DNAJC11: variants seen among roughly 807,000 people sequenced by gnomAD.
The protein encoded by DNAJC11 is DnaJ heat shock protein family (Hsp40) member C11.
DNAJC11 carries 15 observed loss-of-function variants against 78.6 expected under a neutral mutation model. The observed-to-expected ratio is 0.19, with a 90% CI of 0.13 to 0.29. DNAJC11 has a LOEUF of 0.29. Ranked by LOEUF, DNAJC11 falls within the 10% of genes least tolerant of loss-of-function variation. The pLI is 1.00. For missense variants in DNAJC11, 547 were observed against 709.6 expected (o/e 0.77, Z 2.60); for synonymous variants, 292 against 272.1 (o/e 1.07, Z -0.72).
chr1:6,681,715 G>A (rs865838052), intron 1 of DNAJC11, among the ~76,000 whole-genome samples: 3 of 152,094 alleles, frequency 2.0e-5, no homozygotes, highest in African/African-American at 4.8e-5. Flanking sequence ...TGGGGGGGGC[G>A]GGTGCCAATG....
intron 14 of DNAJC11, among the ~76,000 whole-genome samples, chr1:6,636,869 G>A (rs1326291263): frequency 6.6e-6 from 1 of 152,166 alleles, no homozygotes; most frequent in African/African-American, 2.4e-5. Context: ...TTTGTTTTGA[G>A]ACAGGGTCTT....
chr1:6,690,512 A>G (rs1459712180), intron 1 of DNAJC11, among the ~76,000 whole-genome samples: 2 of 152,232 alleles, frequency 1.3e-5, no homozygotes, highest in East Asian at 3.8e-4. Context: ...TATCTTCACA[A>G]TGACCCCTTT....
At chr1:6,654,251 G>C in intron 4 of DNAJC11, 1 of 460,636 alleles carries the variant, frequency 2.2e-6, no homozygotes, top group Non-Finnish European at 3.9e-6. Context: ...TCCAGAGCTA[G>C]AAAACATCAT....
chr1:6,638,776 C>T lies in DNAJC11; in HGVS notation c.1254-412G>A, dbSNP rs777654199. On this transcript the variant is annotated intron_variant, in intron 11 of 15. Coordinates refer to ENST00000377577, the MANE Select transcript of DNAJC11 (RefSeq NM_018198.4). ...TCCTGGGCTCAAGTGATCCTACTGTCTCGGCCTCCCGAAGTGCTAGGGTTA... is the reference window on the plus strand; with the variant it reads ...TCCTGGGCTCAAGTGATCCTACTGTTTCGGCCTCCCGAAGTGCTAGGGTTA... Among the ~76,000 whole-genome samples the T allele has an allele frequency of 3.1e-4, 47 of 152,226 alleles. 1 individual carries two copies. Among genetic ancestry groups the T allele is most frequent in the Admixed American group, 1.3e-4 (2 of 15,278 alleles).
chr1:6,644,929 T>TCA, intron 9 of DNAJC11, 112 bp downstream of exon 9: 1 of 1,060,258 alleles, frequency 9.4e-7, no homozygotes, highest in East Asian at 2.4e-5. Flanking sequence ...TCCAAAAATG[T>TCA]CACACACACG....
In DNAJC11 at chr1:6,640,115, G is replaced by A; in HGVS notation, c.1098-58C>T. 2.0e-6 allele frequency: 3 copies of A among 1,496,076 alleles called. No homozygotes were observed. The South Asian group carries it at 4.0e-5, about 20-fold the overall frequency. 92.7% of individuals were successfully genotyped at this position (1,496,076 alleles called of 1,614,324 possible). A position where few individuals can be genotyped will look rare whatever the true frequency, so the allele number is the denominator to read the frequency against. On this transcript the variant is annotated intron_variant, in intron 10 of 15. Transcript: ENST00000377577. ...GCCAAGATGAATCAGGTTTTCCAGG[G>A]AAGGGCAATGGGGTGTCAGGCACAG...
At chr1:6,666,108 C>T (rs1642289937) in intron 4 of DNAJC11, among the ~76,000 whole-genome samples, 1 of 152,182 alleles carries the variant, frequency 6.6e-6, no homozygotes, top group South Asian at 2.1e-4. Flanking sequence ...AGAGGTGTTA[C>T]CATTTTCAAA....
At chr1:6,640,781 C>T (rs1387679900) in intron 10 of DNAJC11, among the ~76,000 whole-genome samples, 1 of 152,014 alleles carries the variant, frequency 6.6e-6, no homozygotes, top group Non-Finnish European at 1.5e-5. Flanking sequence ...TGTACCACAG[C>T]ACTCCAGCCT....
At chr1:6,664,094 G>C (rs763449942) in intron 4 of DNAJC11, among the ~76,000 whole-genome samples, 1 of 152,178 alleles carries the variant, frequency 6.6e-6, no homozygotes, top group Admixed American at 6.5e-5. Flanking sequence ...GCCGGGGCTG[G>C]GGATTTTACA....
At chr1:6,669,560 G>C (rs1404382823) in intron 3 of DNAJC11, among the ~76,000 whole-genome samples, 1 of 149,094 alleles carries the variant, frequency 6.7e-6, no homozygotes, top group East Asian at 1.9e-4. Context: ...GAAAAGAAAA[G>C]AAAAGAAAAG....
At chr1:6,667,655 T>C (rs1642312717) in intron 4 of DNAJC11, 54 bp downstream of exon 4, 4 of 1,448,848 alleles carry the variant, frequency 2.8e-6, no homozygotes, top group Non-Finnish European at 3.9e-6. Flanking sequence ...ACCTGGCTTC[T>C]AGTTATGAGG....
At chr1:6,687,360 T>C (rs1036991781) in intron 1 of DNAJC11, among the ~76,000 whole-genome samples, 4 of 148,860 alleles carry the variant, frequency 2.7e-5, no homozygotes, top group Admixed American at 6.7e-5. Context: ...GTCCCTTTTT[T>C]TTTTTTTTTT....
chr1:6,671,923 T>C (rs751788268), intron 3 of DNAJC11, among the ~76,000 whole-genome samples: 3 of 150,646 alleles, frequency 2.0e-5, no homozygotes, highest in Non-Finnish European at 4.4e-5. Flanking sequence ...CAACTTCCGC[T>C]TCCAGGGTTC....
chr1:6,651,074 A>G, intron 7 of DNAJC11: 1 of 534,342 alleles, frequency 1.9e-6, no homozygotes, highest in Non-Finnish European at 3.8e-6. Context: ...ATACAGTTCT[A>G]GGAGTGTGAC....
At chr1:6,660,408 G>A (rs1022994465) in intron 4 of DNAJC11, among the ~76,000 whole-genome samples, 9 of 151,836 alleles carry the variant, frequency 5.9e-5, no homozygotes, top group African/African-American at 1.7e-4. Flanking sequence ...TGCCTGCCTC[G>A]GCCTGCCCAA....
rs150516238 is a variant in DNAJC11 at position 6,696,441 on chromosome 1, T to A, written c.72+5288A>T. ...GGTCTGCTGTCTCCTTCTTTGTGGGTGACTTTGACCCTAGGACAATCTTGC... is the reference window on the plus strand; with the variant it reads ...GGTCTGCTGTCTCCTTCTTTGTGGGAGACTTTGACCCTAGGACAATCTTGC... On this transcript the variant is annotated intron_variant, in intron 1 of 15. Coordinates refer to ENST00000377577, the MANE Select transcript of DNAJC11 (RefSeq NM_018198.4). Among the ~76,000 whole-genome samples the A allele has an allele frequency of 5.1e-3, 777 of 152,308 alleles. 8 individuals are homozygous for A. The highest frequency in any genetic ancestry group is 0.017 in the African/African-American group (725 of 41,570).
In DNAJC11 at chr1:6,653,805, A is replaced by T; in HGVS notation, c.507+106T>A. ...TGGCTAATTGCATCCTTTCATAAAT[A>T]AAGATGAGAAAAACCCTGGGCAGAC... On this transcript the variant is annotated intron_variant, in intron 5 of 15. Transcript: ENST00000377577. The surrounding 1 kb of genome is among the most constrained non-coding windows in gnomAD (Gnocchi z 4.5). 1 of 1,411,758 alleles carries T rather than the reference A, an allele frequency of 7.1e-7. No homozygotes were observed. 87.5% of individuals were successfully genotyped at this position (1,411,758 alleles called of 1,614,324 possible). A position where few individuals can be genotyped will look rare whatever the true frequency, so the allele number is the denominator to read the frequency against.
At chr1:6,675,583 T>C (rs899669815) in intron 3 of DNAJC11, among the ~76,000 whole-genome samples, 27 of 152,230 alleles carry the variant, frequency 1.8e-4, no homozygotes, top group African/African-American at 5.3e-4. Flanking sequence ...GCCTGGTTAA[T>C]TTTTTCATTT....
chr1:6,667,713 G>A lies in DNAJC11; in HGVS notation c.374C>T (p.Pro125Leu). ...GAAACGTGGCCCCTGGCTTACCTTGGGATTGGTTCGCTGCTGCAATCTCCT... is the reference window on the plus strand; with the variant it reads ...GAAACGTGGCCCCTGGCTTACCTTGAGATTGGTTCGCTGCTGCAATCTCCT... ...EERRLQQRTN[P>L]KGTISVGVDA... Residue 125 changes from proline (P) to leucine (L), a missense_variant, in exon 4 of 16, where the codon CCC becomes CTC. Coordinates refer to ENST00000377577, the MANE Select transcript of DNAJC11 (RefSeq NM_018198.4). 4 of 1,613,922 alleles carry A rather than the reference G, an allele frequency of 2.5e-6. No individual in the cohort carries two copies. The highest frequency in any genetic ancestry group is 3.4e-6 in the Non-Finnish European group (4 of 1,179,950).
Sources: gnomAD v4.1 joint callset for allele counts (sites outside exome capture counted in the v4.1 genomes callset) on GRCh38, gnomAD v4.1.1 for gene constraint, Gnocchi (gnomAD v3.1) non-coding constraint, MANE v1.5 for transcripts, NCBI Gene and HGNC (gene_info 2026-07-23, HGNC 2026-07-21) for gene names.